ELF1: variants seen among roughly 807,000 people sequenced by gnomAD.
The protein encoded by ELF1 is ETS-related transcription factor Elf-1.
In ELF1, 24 loss-of-function variants were observed where a neutral mutation model predicts 59.9. The observed-to-expected ratio is 0.40, with a 90% CI of 0.29 to 0.56. The LOEUF is 0.56. ELF1 is among the 20% of genes least tolerant of loss of function. The pLI is 0.44. For missense variants in ELF1, 627 were observed against 742.2 expected (o/e 0.84, Z 1.80); for synonymous variants, 248 against 266.2 (o/e 0.93, Z 0.67).
chr13:41,038,237 C>T (rs1258856798), intron 1 of ELF1, among the ~76,000 whole-genome samples: 2 of 152,082 alleles, frequency 1.3e-5, no homozygotes, highest in Admixed American at 1.3e-4. Flanking sequence ...TGTCTGTAAT[C>T]CCAGCACTTT....
At chr13:40,944,287 C>A (rs758566523) in intron 5 of ELF1, among the ~76,000 whole-genome samples, 1 of 152,110 alleles carries the variant, frequency 6.6e-6, no homozygotes, top group Non-Finnish European at 1.5e-5. Context: ...ACGTGGGCTC[C>A]AAAAATAAGC....
chr13:40,938,669 T>C (rs1341541234), intron 8 of ELF1, among the ~76,000 whole-genome samples: 2 of 152,122 alleles, frequency 1.3e-5, no homozygotes, highest in East Asian at 1.9e-4. Context: ...GTAAAGTGTA[T>C]GAAGTACAAA....
At chr13:41,054,146 T>A (rs7329068) in intron 1 of ELF1, among the ~76,000 whole-genome samples, 1 of 152,028 alleles carries the variant, frequency 6.6e-6, no homozygotes, top group Non-Finnish European at 1.5e-5. Flanking sequence ...CCCTTCCATA[T>A]GAAATTTCTA....
At position 41,039,052 on chromosome 13, in the gene ELF1, AG is replaced by A. The variant is rs199879298; in HGVS notation, c.-229+21785del. ...GACTTTCTATGTATGACAAAAGGGC[AG>A]GAAAAAAAAGTAAAGGAAAAGGATG... On this transcript the variant is annotated intron_variant, in intron 1 of 1. Coordinates refer to the ELF1 transcript ENST00000405737. 2.7e-3 allele frequency among the ~76,000 whole-genome samples: 402 copies of A among 150,574 alleles called. 8 individuals carry two copies. The East Asian group carries it at 0.047, about 18-fold the overall frequency.
chr13:41,025,677 G>T (rs1390484056), intron 1 of ELF1, among the ~76,000 whole-genome samples: 1 of 152,186 alleles, frequency 6.6e-6, no homozygotes, highest in Non-Finnish European at 1.5e-5. Flanking sequence ...CTATGTGCCA[G>T]GTACTGTTCT....
At chr13:40,958,275 C>T (rs868564381) in intron 3 of ELF1, among the ~76,000 whole-genome samples, 42 of 152,178 alleles carry the variant, frequency 2.8e-4, no homozygotes, top group African/African-American at 9.2e-4. Flanking sequence ...AGGACCTTAT[C>T]GTACATTTGG....
chr13:41,060,409 A>G (rs1380234299), intron 1 of ELF1, among the ~76,000 whole-genome samples: 1 of 152,196 alleles, frequency 6.6e-6, no homozygotes, highest in Non-Finnish European at 1.5e-5. Context: ...GGCCGGAGTT[A>G]ATCATCACCT....
chr13:40,972,837 A>C (rs1026347383), intron 2 of ELF1, among the ~76,000 whole-genome samples: 8 of 152,108 alleles, frequency 5.3e-5, no homozygotes, highest in Non-Finnish European at 1.0e-4. Context: ...TTCATGATTA[A>C]ATGTTATGTC....
At chr13:41,011,409 C>G (rs959537989) in intron 1 of ELF1, among the ~76,000 whole-genome samples, 2 of 152,114 alleles carry the variant, frequency 1.3e-5, no homozygotes, top group Admixed American at 1.3e-4. Flanking sequence ...ATAACACTTA[C>G]ATCTGAATCT....
intron 1 of ELF1, among the ~76,000 whole-genome samples, chr13:41,053,274 A>G (rs749931666): frequency 6.6e-6 from 1 of 152,088 alleles, no homozygotes; most frequent in Non-Finnish European, 1.5e-5. Flanking sequence ...GAATTGCTTG[A>G]ACCCGGGAGG....
At chr13:41,006,519 A>G (rs559031863) in intron 1 of ELF1, among the ~76,000 whole-genome samples, 44 of 152,288 alleles carry the variant, frequency 2.9e-4, no homozygotes, top group African/African-American at 1.1e-3. Context: ...CTACCCAACA[A>G]TCAAACACAG....
At chr13:40,980,800 T>G (rs913190788) in intron 2 of ELF1, among the ~76,000 whole-genome samples, 5 of 152,290 alleles carry the variant, frequency 3.3e-5, no homozygotes, top group South Asian at 2.1e-4. Context: ...AACACCTTTC[T>G]TCCTAAAATA....
At chr13:40,966,694 G>A (rs1022851930) in intron 2 of ELF1, among the ~76,000 whole-genome samples, 1 of 152,100 alleles carries the variant, frequency 6.6e-6, no homozygotes, top group African/African-American at 2.4e-5. Flanking sequence ...AAAAGCACAA[G>A]AACTTTCATA....
chr13:41,022,616 C>A (rs971052671), upstream of ELF1, among the ~76,000 whole-genome samples: 5 of 152,218 alleles, frequency 3.3e-5, no homozygotes, highest in Admixed American at 6.5e-5. Context: ...CACGTTGGCT[C>A]ACGCTTGTAA....
chr13:40,990,365 C>A (rs1464880320), intron 1 of ELF1, among the ~76,000 whole-genome samples: 1 of 152,078 alleles, frequency 6.6e-6, no homozygotes, highest in African/African-American at 2.4e-5. Context: ...GGGAAAAATT[C>A]ACTTTCGCCT....
chr13:41,041,786 C>T (rs981374868), intron 1 of ELF1, among the ~76,000 whole-genome samples: 2 of 152,128 alleles, frequency 1.3e-5, no homozygotes, highest in African/African-American at 4.8e-5. Flanking sequence ...CCTAAAGATT[C>T]AACTGTAAGT....
At chr13:41,028,610 A>C (rs1341329998) in intron 1 of ELF1, among the ~76,000 whole-genome samples, 5 of 152,266 alleles carry the variant, frequency 3.3e-5, no homozygotes, top group Non-Finnish European at 7.3e-5. Flanking sequence ...TTTTGTTCAG[A>C]ATACATTTGT....
At chr13:41,049,724 G>A (rs528141529) in intron 1 of ELF1, among the ~76,000 whole-genome samples, 3 of 152,104 alleles carry the variant, frequency 2.0e-5, no homozygotes, top group East Asian at 1.9e-4. Context: ...CTACAGAAAC[G>A]TCATGTCCTT....
chr13:40,944,694 A>C (rs1039751339), intron 5 of ELF1, among the ~76,000 whole-genome samples: 2 of 152,132 alleles, frequency 1.3e-5, no homozygotes, highest in Admixed American at 1.3e-4. Flanking sequence ...CCTTGTATTT[A>C]GGTTGAGATC....
Sources: allele counts gnomAD v4.1 joint callset (sites outside exome capture counted in the v4.1 genomes callset), GRCh38; gene constraint gnomAD v4.1.1; transcripts MANE v1.5; gene names NCBI Gene and HGNC (gene_info 2026-07-23, HGNC 2026-07-21).